EYA1: variants seen among roughly 807,000 people sequenced by gnomAD.
The protein encoded by EYA1 is EYA transcriptional coactivator and phosphatase 1.
EYA1 carries 16 observed loss-of-function variants against 82.0 expected under a neutral mutation model. That is an observed-to-expected ratio of 0.20 (90% CI 0.13 to 0.30). The LOEUF is 0.30. Ranked by LOEUF, EYA1 falls within the 10% of genes least tolerant of loss-of-function variation. The pLI is 1.00. For synonymous variants in EYA1, 261 were observed against 264.4 expected, an observed-to-expected ratio of 0.99 and a Z score of 0.12; for missense variants, 633 against 730.7, an observed-to-expected ratio of 0.87 and a Z score of 1.54.
intron 3 of EYA1, among the ~76,000 whole-genome samples, chr8:71,334,930 C>T (rs1465691504): frequency 2.6e-5 from 4 of 152,324 alleles, no homozygotes; most frequent in Non-Finnish European, 5.9e-5. Flanking sequence ...AAGCAATCCA[C>T]TCCCCTGATA....
chr8:71,201,577 A>G (rs1426877421), intron 17 of EYA1, among the ~76,000 whole-genome samples: 5 of 152,228 alleles, frequency 3.3e-5, no homozygotes, highest in Non-Finnish European at 7.3e-5. Flanking sequence ...AACCCTATAA[A>G]GAAATACAAA....
At chr8:71,304,158 A>G (rs1820486804) in intron 7 of EYA1, among the ~76,000 whole-genome samples, 1 of 143,060 alleles carries the variant, frequency 7.0e-6, no homozygotes, top group South Asian at 2.3e-4. Flanking sequence ...AGTGACAAGA[A>G]CAAATAATAA....
intron 2 of EYA1, among the ~76,000 whole-genome samples, chr8:71,418,355 A>G (rs766182323): frequency 4.9e-4 from 75 of 152,230 alleles, no homozygotes; most frequent in Admixed American, 2.1e-3. Flanking sequence ...AGAGTCCCAC[A>G]TAAATTGATT....
At chr8:71,366,192 C>T (rs944285894), upstream of EYA1, among the ~76,000 whole-genome samples, 2 of 151,820 alleles carry the variant, frequency 1.3e-5, no homozygotes, top group African/African-American at 4.8e-5. Context: ...TTAAGCAGCA[C>T]TTCTTGAAAC....
chr8:71,344,226 A>C (rs1479016037), intron 3 of EYA1, among the ~76,000 whole-genome samples: 3 of 152,178 alleles, frequency 2.0e-5, no homozygotes, highest in African/African-American at 7.2e-5. Context: ...CAGAAAACAA[A>C]GTGAGATTGA....
intron 6 of EYA1, among the ~76,000 whole-genome samples, chr8:71,319,363 C>T (rs1163905821): frequency 6.6e-6 from 1 of 152,080 alleles, no homozygotes; most frequent in Non-Finnish European, 1.5e-5. Flanking sequence ...ATCTCCTGAC[C>T]TCATGATCCG....
At chr8:71,527,553 C>T (rs992321651) in intron 2 of EYA1, among the ~76,000 whole-genome samples, 1 of 152,162 alleles carries the variant, frequency 6.6e-6, no homozygotes, top group Admixed American at 6.5e-5. Context: ...ACCCACCTTG[C>T]GTGCAGGGGC....
chr8:71,547,755 C>A (rs1043632098), intron 1 of EYA1: 3 of 150,962 alleles, frequency 2.0e-5, no homozygotes, highest in Non-Finnish European at 4.4e-5. Context: ...GAGGCAGAAG[C>A]CGGCGGGGCG....
chr8:71,503,539 T>G (rs980409832), intron 2 of EYA1, among the ~76,000 whole-genome samples: 1 of 151,354 alleles, frequency 6.6e-6, no homozygotes, highest in African/African-American at 2.4e-5. Flanking sequence ...AGAATAAAGA[T>G]CTCTCCTTGA....
chr8:71,357,268 T>C (rs969067517), intron 1 of EYA1, among the ~76,000 whole-genome samples: 4 of 152,188 alleles, frequency 2.6e-5, no homozygotes, highest in Non-Finnish European at 5.9e-5. Flanking sequence ...AGGAAGAAAA[T>C]GGAAAGTTTA....
chr8:71,246,242 T>C (rs943172695), intron 11 of EYA1, among the ~76,000 whole-genome samples: 1 of 152,198 alleles, frequency 6.6e-6, no homozygotes, highest in Non-Finnish European at 1.5e-5. Context: ...TACTATTTTA[T>C]TGTCACGGCA....
In EYA1 at chr8:71,254,673, C is replaced by T. The variant is rs574445267; in HGVS notation, c.1051-9981G>A. Among the ~76,000 whole-genome samples, 10 of 152,190 alleles carry T rather than the reference C, an allele frequency of 6.6e-5. No individual in the cohort carries two copies. In the South Asian group the frequency reaches 1.2e-3, roughly 19 times the overall value. On this transcript the variant is annotated intron_variant, in intron 11 of 17. Coordinates refer to ENST00000340726, the MANE Select transcript of EYA1 (RefSeq NM_000503.6). ...CCTCTAAGATCAGGAACAAGACAAC[C>T]AGGCTGCTTTTGCCACTTCTGTGTA...
intron 9 of EYA1, among the ~76,000 whole-genome samples, chr8:71,286,559 G>A (rs961162110): frequency 2.0e-5 from 3 of 152,136 alleles, no homozygotes; most frequent in Admixed American, 6.5e-5. Flanking sequence ...TTGGTTGAGT[G>A]GGGGGAAACT....
intron 2 of EYA1, among the ~76,000 whole-genome samples, chr8:71,401,370 C>A (rs533050978): frequency 6.6e-6 from 1 of 152,186 alleles, no homozygotes; most frequent in Non-Finnish European, 1.5e-5. Context: ...TTTATTCTTT[C>A]ATTTTCTTTA....
At chr8:71,226,759 C>CT (rs1337518639) in intron 12 of EYA1, among the ~76,000 whole-genome samples, 10 of 150,800 alleles carry the variant, frequency 6.6e-5, no homozygotes, top group South Asian at 2.1e-4. Context: ...AATTTCTTTG[C>CT]TTTTTTAAAA....
At chr8:71,484,044 A>G (rs1221510430) in intron 2 of EYA1, among the ~76,000 whole-genome samples, 1 of 152,200 alleles carries the variant, frequency 6.6e-6, no homozygotes, top group Non-Finnish European at 1.5e-5. Flanking sequence ...CTACTGAATT[A>G]CACTCAGGCC....
chr8:71,495,736 T>C (rs1199189841), intron 2 of EYA1, among the ~76,000 whole-genome samples: 1 of 152,110 alleles, frequency 6.6e-6, no homozygotes, highest in Non-Finnish European at 1.5e-5. Context: ...CCAACAAAAT[T>C]AACTCCTAGG....
intron 4 of EYA1, among the ~76,000 whole-genome samples, chr8:71,322,876 T>C (rs982501237): frequency 4.6e-5 from 7 of 152,224 alleles, no homozygotes; most frequent in African/African-American, 1.2e-4. Context: ...TGTGCTGATC[T>C]GGGTCTTCCT....
chr8:71,529,087 C>T (rs1328741954), intron 2 of EYA1, among the ~76,000 whole-genome samples: 2 of 152,082 alleles, frequency 1.3e-5, no homozygotes, highest in East Asian at 1.9e-4. Context: ...AAAATTGAGG[C>T]GTAGAAATTG....
Sources: gnomAD v4.1 joint callset for allele counts (sites outside exome capture counted in the v4.1 genomes callset) on GRCh38, gnomAD v4.1.1 for gene constraint, MANE v1.5 for transcripts, NCBI Gene and HGNC (gene_info 2026-07-23, HGNC 2026-07-21) for gene names.